PTPRT: variants seen among roughly 807,000 people sequenced by gnomAD.
PTPRT encodes the protein receptor-type tyrosine-protein phosphatase T.
PTPRT carries 56 observed loss-of-function variants against 176.8 expected under a neutral mutation model. That is an observed-to-expected ratio of 0.32 (90% confidence interval 0.26 to 0.40). PTPRT has a LOEUF of 0.40. Ranked by LOEUF, PTPRT falls within the 10% of genes least tolerant of loss-of-function variation. The probability of loss-of-function intolerance (pLI) is 1.00; values close to 1 mark genes in which losing one functional copy is unlikely to be tolerated. For synonymous variants in PTPRT, 783 were observed against 739.0 expected, an observed-to-expected ratio of 1.06 and a Z score of -0.96; for missense variants, 1,540 against 1,908.2, an observed-to-expected ratio of 0.81 and a Z score of 3.60.
At chr20:42,090,912 A>G (rs1157657139) in intron 27 of PTPRT, among the ~76,000 whole-genome samples, 1 of 152,166 alleles carries the variant, frequency 6.6e-6, no homozygotes, top group East Asian at 1.9e-4. Flanking sequence ...GTCTAGACCA[A>G]CTGACTTTTT....
intron 1 of PTPRT, among the ~76,000 whole-genome samples, chr20:43,037,152 A>C (rs1345860083): frequency 6.6e-6 from 1 of 152,250 alleles, no homozygotes; most frequent in Non-Finnish European, 1.5e-5. Context: ...ACAATGAATT[A>C]AGCAAAATCT....
intron 29 of PTPRT, 59 bp from the exon 30 acceptor site, chr20:42,082,076 T>A (rs1370405267): frequency 6.2e-7 from 1 of 1,609,244 alleles, no homozygotes; most frequent in East Asian, 2.2e-5. Context: ...CACCTGATGA[T>A]TCTAAAGCTA....
chr20:42,763,128 T>C (rs2076938351), intron 5 of PTPRT, among the ~76,000 whole-genome samples: 1 of 152,072 alleles, frequency 6.6e-6, no homozygotes, highest in Non-Finnish European at 1.5e-5. Context: ...CCACAGAGAG[T>C]GCTGTTTTCC....
At chr20:42,313,316 G>A (rs747038692) in intron 12 of PTPRT, among the ~76,000 whole-genome samples, 1 of 152,096 alleles carries the variant, frequency 6.6e-6, no homozygotes, top group Non-Finnish European at 1.5e-5. Flanking sequence ...CCATTCTTTT[G>A]TTCATTTACC....
chr20:42,456,368 T>A (rs995617252), intron 8 of PTPRT, among the ~76,000 whole-genome samples: 3 of 152,022 alleles, frequency 2.0e-5, no homozygotes, highest in Admixed American at 6.6e-5. Context: ...TTCCAATCTT[T>A]TATTTTCTTA....
intron 9 of PTPRT, among the ~76,000 whole-genome samples, chr20:42,375,561 C>A (rs2058641163): frequency 6.6e-6 from 1 of 152,152 alleles, no homozygotes; most frequent in Admixed American, 6.5e-5. Flanking sequence ...AAACCTGCCC[C>A]CCTGGATCCG....
chr20:42,614,839 G>T (rs529138858), intron 7 of PTPRT, among the ~76,000 whole-genome samples: 17 of 152,080 alleles, frequency 1.1e-4, no homozygotes, highest in African/African-American at 2.9e-4. Flanking sequence ...GCAAGGAAGA[G>T]CAAGTCACAT....
At chr20:42,697,071 G>C (rs761911857) in intron 6 of PTPRT, among the ~76,000 whole-genome samples, 5 of 152,032 alleles carry the variant, frequency 3.3e-5, no homozygotes, top group African/African-American at 7.2e-5. Context: ...TCTTAAAAAA[G>C]TCTTAGCTTG....
chr20:42,922,061 G>A (rs973027456), intron 1 of PTPRT, among the ~76,000 whole-genome samples: 7 of 152,072 alleles, frequency 4.6e-5, no homozygotes, highest in South Asian at 2.1e-4. Flanking sequence ...TCTGCCTCCC[G>A]AGTAGCTGGG....
intron 1 of PTPRT, among the ~76,000 whole-genome samples, chr20:42,887,084 T>G (rs553257778): frequency 2.0e-5 from 3 of 152,158 alleles, no homozygotes; most frequent in Non-Finnish European, 4.4e-5. Flanking sequence ...CACATCACCA[T>G]CCTCCTCCTT....
intron 1 of PTPRT, among the ~76,000 whole-genome samples, chr20:43,172,360 A>G (rs2015022544): frequency 6.6e-6 from 1 of 152,228 alleles, no homozygotes. Flanking sequence ...TACAAATCGT[A>G]TATGCAATTC....
rs73907454 is a variant in PTPRT, at chr20:43,029,601, C to A, written c.89-143669G>T. ...ATTTGTATTATTGTTCAAAATACTA[C>A]TGACCAAGTTTTCTATCTGCCCCTG... On this transcript the variant is annotated intron_variant, in intron 1 of 30. Transcript: ENST00000373187. Among the ~76,000 whole-genome samples, 863 of 152,358 alleles carry A rather than the reference C, an allele frequency of 5.7e-3. 13 individuals carry two copies. Among genetic ancestry groups the A allele is most frequent in the African/African-American group, 0.02 (840 of 41,580 alleles).
intron 2 of PTPRT, among the ~76,000 whole-genome samples, chr20:42,819,311 A>G (rs2077848099): frequency 6.6e-6 from 1 of 152,206 alleles, no homozygotes; most frequent in African/African-American, 2.4e-5. Context: ...AATCGTGATA[A>G]GTAAAGGAGA....
intron 1 of PTPRT, among the ~76,000 whole-genome samples, chr20:43,032,025 G>A (rs78519627): frequency 5.9e-5 from 9 of 152,236 alleles, no homozygotes; most frequent in Non-Finnish European, 1.0e-4. Flanking sequence ...GGGGCAGAAC[G>A]GCCAGAAATC....
intron 2 of PTPRT, among the ~76,000 whole-genome samples, chr20:42,796,813 C>T (rs1368493756): frequency 2.0e-5 from 3 of 152,194 alleles, no homozygotes; most frequent in Non-Finnish European, 4.4e-5. Flanking sequence ...TAGGATGCTT[C>T]TAACAAGGGG....
chr20:42,500,643 G>A (rs2071736020), intron 7 of PTPRT, among the ~76,000 whole-genome samples: 1 of 151,912 alleles, frequency 6.6e-6, no homozygotes, highest in Non-Finnish European at 1.5e-5. Context: ...TGTAGTGTTG[G>A]TGCATCCCTT....
chr20:43,009,130 A>C (rs546226138), intron 1 of PTPRT, among the ~76,000 whole-genome samples: 4 of 152,320 alleles, frequency 2.6e-5, no homozygotes, highest in South Asian at 2.1e-4. Flanking sequence ...CTGTGAGTCT[A>C]CTTCAAGGTC....
the PTPRT span, among the ~76,000 whole-genome samples, chr20:42,049,616 A>G: frequency 1.3e-5 from 2 of 152,202 alleles, no homozygotes; most frequent in Non-Finnish European, 2.9e-5. Context: ...AGTAGCTCTC[A>G]AAGTATGCTC....
intron 2 of PTPRT, among the ~76,000 whole-genome samples, chr20:42,867,658 A>G (rs1217534242): frequency 6.7e-6 from 1 of 150,244 alleles, no homozygotes; most frequent in African/African-American, 2.5e-5. Flanking sequence ...ACTATGAGAC[A>G]TAAATTTAAA....
Sources: gnomAD v4.1 joint callset for allele counts (sites outside exome capture counted in the v4.1 genomes callset) on GRCh38, gnomAD v4.1.1 for gene constraint, MANE v1.5 for transcripts, NCBI Gene and HGNC (gene_info 2026-07-23, HGNC 2026-07-21) for gene names.